Variants in PRDM11 observed in about 807,000 individuals in gnomAD.
PRDM11 encodes PR domain-containing protein 11.
PRDM11 carries 20 observed loss-of-function variants against 97.8 expected under a neutral mutation model. The ratio of observed to expected loss-of-function variants is 0.20; its 90% CI spans 0.14 to 0.30. The LOEUF is 0.30. PRDM11 is among the 10% of genes least tolerant of loss of function. The pLI is 1.00. For missense variants in PRDM11, 1,139 were observed against 1,555.2 expected, an observed-to-expected ratio of 0.73 and a Z score of 4.50; for synonymous variants, 599 against 637.7, an observed-to-expected ratio of 0.94 and a Z score of 0.91.
chr11:45,148,601 G>A (rs998461537), intron 1 of PRDM11, among the ~76,000 whole-genome samples: 1 of 152,100 alleles, frequency 6.6e-6, no homozygotes, highest in Admixed American at 6.5e-5. Flanking sequence ...AGTTGTCCTA[G>A]GAGTCCTAGA....
Position 45,232,171 on chromosome 11 carries a change from G to A in PRDM11, c.*4012G>A, listed in dbSNP as rs549210905. On this transcript the variant is annotated 3_prime_UTR_variant, in exon 8 of 8. Coordinates refer to ENST00000683152, the MANE Select transcript of PRDM11 (RefSeq NM_001384648.1). ...CATTCATTTGGAGGTGGTGCCAACA[G>A]GGGGGAAAGCATGCAGAAGGCTGGA... is the stretch of plus-strand genomic sequence containing the variant. 1.3e-5 allele frequency: 2 copies of A among 148,874 alleles called. No individual in the cohort carries two copies. The highest frequency in any genetic ancestry group is 6.6e-5 in the Admixed American group (1 of 15,178). 9.2% of individuals were successfully genotyped at this position (148,874 alleles called of 1,614,324 possible). A position where few individuals can be genotyped will look rare whatever the true frequency, so the allele number is the denominator to read the frequency against.
chr11:45,115,780 A>T (rs553228826), intron 1 of PRDM11, among the ~76,000 whole-genome samples: 1 of 152,030 alleles, frequency 6.6e-6, no homozygotes, highest in African/African-American at 2.4e-5. Flanking sequence ...AAATAGAAAA[A>T]TCAGCTGGGT....
At chr11:45,190,114 A>G (rs1590423127) in intron 4 of PRDM11, among the ~76,000 whole-genome samples, 4 of 150,228 alleles carry the variant, frequency 2.7e-5, no homozygotes. Flanking sequence ...CTACACTTAC[A>G]CCACCTACAC....
chr11:45,097,464 G>A (rs1015929441), intron 1 of PRDM11, among the ~76,000 whole-genome samples: 2 of 152,182 alleles, frequency 1.3e-5, no homozygotes, highest in African/African-American at 4.8e-5. Flanking sequence ...CAATCCTGTG[G>A]GAAAGCTTTC....
At chr11:45,106,711 C>T (rs1217595358) in intron 1 of PRDM11, among the ~76,000 whole-genome samples, 12 of 152,202 alleles carry the variant, frequency 7.9e-5, no homozygotes, top group African/African-American at 2.9e-4. Flanking sequence ...GACCCATCTG[C>T]TCCACTCCAC....
At chr11:45,214,929 C>G (rs1269213146) in intron 5 of PRDM11, among the ~76,000 whole-genome samples, 1 of 152,226 alleles carries the variant, frequency 6.6e-6, no homozygotes, top group Non-Finnish European at 1.5e-5. Context: ...CCATGCCAGG[C>G]CCTCGGAGGA....
At chr11:45,206,027 T>A (rs1346488514) in intron 5 of PRDM11, among the ~76,000 whole-genome samples, 1 of 152,152 alleles carries the variant, frequency 6.6e-6, no homozygotes, top group East Asian at 1.9e-4. Context: ...GACACTGCCC[T>A]GAAAGTGGCC....
At position 45,227,118 on chromosome 11, in the gene PRDM11, G is replaced by C. The variant is rs1252800376; in HGVS notation, c.2493G>C (p.Glu831Asp). 1 of 1,533,958 alleles carries C rather than the reference G, an allele frequency of 6.5e-7. No homozygotes were observed. The highest frequency in any genetic ancestry group is 2.4e-5 in the East Asian group (1 of 40,912). The change falls in exon 8 of 8, where the codon GAG becomes GAC. Residue 831 changes from glutamate (E) to aspartate (D), a missense_variant. Physicochemically the swap from Glu to Asp is conservative, Grantham distance 45. Coordinates refer to ENST00000683152, the MANE Select transcript of PRDM11 (RefSeq NM_001384648.1). The surrounding 1 kb of genome is among the most constrained non-coding windows in gnomAD (Gnocchi z 8.0). ...GGGCAGTGCGGTGGATCATCGGCGA[G>C]CAGAACGTCCTCAACGCTCTCATCA... ...DIRAVRWIIG[E>D]QNVLNALIKD...
At chr11:45,192,349 G>T (rs1400785697) in intron 4 of PRDM11, among the ~76,000 whole-genome samples, 1 of 152,172 alleles carries the variant, frequency 6.6e-6, no homozygotes, top group East Asian at 1.9e-4. Context: ...GCTTTTCCAG[G>T]AGTAAAAATG....
chr11:45,119,708 C>T (rs1246002040), intron 1 of PRDM11, among the ~76,000 whole-genome samples: 1 of 144,346 alleles, frequency 6.9e-6, no homozygotes, highest in Non-Finnish European at 1.5e-5. Flanking sequence ...CTGAGTCTTA[C>T]TAATACTGTA....
intron 1 of PRDM11, among the ~76,000 whole-genome samples, chr11:45,127,272 T>C (rs1237739599): frequency 2.0e-5 from 3 of 152,192 alleles, no homozygotes; most frequent in South Asian, 4.1e-4. Flanking sequence ...TTCTTTGCCA[T>C]TGGTTTGAAT....
At chr11:45,164,941 G>A (rs1282312651) in intron 1 of PRDM11, among the ~76,000 whole-genome samples, 1 of 152,128 alleles carries the variant, frequency 6.6e-6, no homozygotes, top group Non-Finnish European at 1.5e-5. Flanking sequence ...TTTATCCAAG[G>A]TCTATGCCTC....
At position 45,224,843 on chromosome 11, in the gene PRDM11, G is replaced by A; in HGVS notation, c.1369G>A (p.Ala457Thr). ...GCTCCCAGAGTTCTCGGACCCTGCA[G>A]GTAAGTTGGTTTGGATGAGATTATT... ...LELPEFSDPAASESMVSGPAI... is the reference protein window; with the variant it reads ...LELPEFSDPATSESMVSGPAI... Residue 457 changes from alanine (A) to threonine (T), a missense_variant and splice_region_variant, in exon 7 of 8, where the codon GCC (alanine) becomes ACC (threonine). Ala to Thr is a moderately conservative substitution (Grantham distance 58). Transcript: ENST00000683152. 2 of 1,613,542 alleles carry A rather than the reference G, an allele frequency of 1.2e-6. No individual in the cohort carries two copies. Among genetic ancestry groups the A allele is most frequent in the Non-Finnish European group, 8.5e-7 (1 of 1,180,030 alleles).
In PRDM11 at chr11:45,097,524, A is replaced by G. The variant is rs1364573531; in HGVS notation, c.96+1623A>G. Among the ~76,000 whole-genome samples, 3 of 146,200 alleles carry G rather than the reference A, an allele frequency of 2.1e-5. No individual in the cohort carries two copies. In the East Asian group the frequency reaches 5.8e-4, roughly 28 times the overall value. On this transcript the variant is annotated intron_variant, in intron 1 of 6. Coordinates refer to the PRDM11 transcript ENST00000530656. ...AAATTGAAGCTCAGGGGTGGAACAAATCACTCAAGATCACACAGGGGTAAT... is the reference window on the plus strand; with the variant it reads ...AAATTGAAGCTCAGGGGTGGAACAAGTCACTCAAGATCACACAGGGGTAAT...
chr11:45,113,409 T>G (rs1334015119), intron 1 of PRDM11, among the ~76,000 whole-genome samples: 1 of 152,230 alleles, frequency 6.6e-6, no homozygotes, highest in Non-Finnish European at 1.5e-5. Flanking sequence ...TTGTTCTTTT[T>G]GCTTAGTATT....
intron 1 of PRDM11, among the ~76,000 whole-genome samples, chr11:45,177,672 G>A (rs910123838): frequency 6.6e-6 from 1 of 152,148 alleles, no homozygotes; most frequent in Non-Finnish European, 1.5e-5. Context: ...CTGGTTCTCC[G>A]GGCAGCCAGC....
intron 1 of PRDM11, among the ~76,000 whole-genome samples, chr11:45,158,535 T>G (rs112311720): frequency 3.1e-3 from 473 of 152,344 alleles, no homozygotes; most frequent in Non-Finnish European, 4.9e-3. Flanking sequence ...CAGGAGTTGT[T>G]GAGGTGCCTT....
intron 1 of PRDM11, among the ~76,000 whole-genome samples, chr11:45,133,400 T>G (rs1852763276): frequency 6.6e-6 from 1 of 152,240 alleles, no homozygotes; most frequent in Non-Finnish European, 1.5e-5. Context: ...TGCTCTGCTC[T>G]CTTGGTTCCC....
Position 45,182,919 on chromosome 11 carries a change from G to C in PRDM11, c.282G>C (p.Val94=). The C allele has an allele frequency of 6.2e-7, 1 of 1,613,094 alleles. No individual in the cohort carries two copies. Among genetic ancestry groups the C allele is most frequent in the Non-Finnish European group, 8.5e-7 (1 of 1,179,496 alleles). The stretch of plus-strand genomic sequence containing the variant: ...AATGCCCAAACCATGGCCCCCCGGT[G>C]TTTGTGTCTGACACACCGGTGCCCG... ...VDECPNHGPP[V]FVSDTPVPVG... Residue 94 remains valine, a synonymous_variant, in exon 4 of 8, where the codon GTG becomes GTC. Transcript: ENST00000683152.
Sources: gnomAD v4.1 joint callset for allele counts (sites outside exome capture counted in the v4.1 genomes callset) on GRCh38, gnomAD v4.1.1 for gene constraint, Gnocchi (gnomAD v3.1) non-coding constraint, MANE v1.5 for transcripts, NCBI Gene and HGNC (gene_info 2026-07-23, HGNC 2026-07-21) for gene names.